MCTP1: variants seen among roughly 807,000 people sequenced by gnomAD.
MCTP1 encodes multiple C2 and transmembrane domain-containing protein 1.
MCTP1 carries 69 observed loss-of-function variants against 120.6 expected under a neutral mutation model. That is an observed-to-expected ratio of 0.57 (90% CI 0.47 to 0.70). The LOEUF is 0.70. Ranked by LOEUF, MCTP1 falls within the 30% of genes least tolerant of loss-of-function variation. MCTP1 has a pLI of 0.00. For synonymous variants in MCTP1, 529 were observed against 493.1 expected, an observed-to-expected ratio of 1.07 and a Z score of -0.96; for missense variants, 1,203 against 1,248.8, an observed-to-expected ratio of 0.96 and a Z score of 0.55.
At position 94,951,411 on chromosome 5, in the gene MCTP1, C is replaced by A. The variant is rs867180774; in HGVS notation, c.981+1808G>T. 7.6e-4 allele frequency among the ~76,000 whole-genome samples: 116 copies of A among 152,300 alleles called. No homozygotes were observed. The Middle Eastern group carries it at 0.01, about 13-fold the overall frequency. On this transcript the variant is annotated intron_variant, in intron 3 of 22. Transcript: ENST00000515393. The stretch of plus-strand genomic sequence containing the variant: ...ATATGTAACCCTTTCAAAGACAGGA[C>A]AGTCACATGGTTCTTTCATGGAGTA...
At chr5:94,787,610 CTGTTTTTTTT>C (rs369529968) in intron 18 of MCTP1, among the ~76,000 whole-genome samples, 14 of 150,580 alleles carry the variant, frequency 9.3e-5, no homozygotes, top group African/African-American at 3.2e-4. Context: ...TAAGCACTTA[CTGTTTTTTTT>C]TGTTTTTTTT....
At chr5:95,056,801 C>T (rs1157519121) in intron 1 of MCTP1, among the ~76,000 whole-genome samples, 30 of 152,058 alleles carry the variant, frequency 2.0e-4, no homozygotes, top group Admixed American at 1.9e-3. Context: ...GTACCACTTT[C>T]TAAATTCCCC....
At chr5:95,247,881 T>C (rs1165294793) in intron 1 of MCTP1, among the ~76,000 whole-genome samples, 1 of 152,128 alleles carries the variant, frequency 6.6e-6, no homozygotes, top group Non-Finnish European at 1.5e-5. Flanking sequence ...ATTTGGGGTA[T>C]AGAGTTCTGT....
At chr5:95,242,007 T>C (rs1756219370) in intron 1 of MCTP1, among the ~76,000 whole-genome samples, 1 of 152,172 alleles carries the variant, frequency 6.6e-6, no homozygotes, top group African/African-American at 2.4e-5. Flanking sequence ...AACACCTTTA[T>C]GAATCAAAAC....
intron 1 of MCTP1, among the ~76,000 whole-genome samples, chr5:95,097,070 GATT>G (rs1756326355): frequency 6.6e-6 from 1 of 151,840 alleles, no homozygotes; most frequent in Non-Finnish European, 1.5e-5. Context: ...TTTTTCCCCT[GATT>G]ATATCAGCAA....
chr5:95,220,865 T>C (rs1468470137), intron 1 of MCTP1, among the ~76,000 whole-genome samples: 1 of 152,234 alleles, frequency 6.6e-6, no homozygotes, highest in African/African-American at 2.4e-5. Context: ...TAAAGCATTA[T>C]TGCCATAACA....
At chr5:94,816,484 T>C (rs2153084518) in intron 17 of MCTP1, among the ~76,000 whole-genome samples, 1 of 152,256 alleles carries the variant, frequency 6.6e-6, no homozygotes, top group East Asian at 1.9e-4. Context: ...TTTTATTATT[T>C]TGAAACCTAA....
chr5:95,080,984 T>A (rs1329130642), intron 1 of MCTP1, among the ~76,000 whole-genome samples: 1 of 152,192 alleles, frequency 6.6e-6, no homozygotes, highest in Non-Finnish European at 1.5e-5. Context: ...TAAGACTACT[T>A]TTTATTTCAA....
At chr5:95,231,291 T>C (rs11750701) in intron 1 of MCTP1, among the ~76,000 whole-genome samples, 2,546 of 152,184 alleles carry the variant, frequency 0.017, 25 homozygotes, top group Middle Eastern at 0.027. Flanking sequence ...AAGTAACTAA[T>C]AGCAATTTGA....
chr5:95,194,038 G>A (rs1053640950), intron 1 of MCTP1, among the ~76,000 whole-genome samples: 17 of 151,746 alleles, frequency 1.1e-4, no homozygotes, highest in African/African-American at 4.1e-4. Flanking sequence ...AAGCAAGACC[G>A]TGTCTCTACA....
At chr5:94,852,635 A>G (rs1191191129) in intron 17 of MCTP1, among the ~76,000 whole-genome samples, 2 of 151,970 alleles carry the variant, frequency 1.3e-5, no homozygotes, top group African/African-American at 4.8e-5. Flanking sequence ...ATAGCAAGGT[A>G]TTGGGAAAAT....
Position 94,946,003 on chromosome 5 carries a change from T to C in MCTP1, c.982-3576A>G, listed in dbSNP as rs532906063. On this transcript the variant is annotated intron_variant, in intron 3 of 22. Coordinates refer to ENST00000515393, the MANE Select transcript of MCTP1 (RefSeq NM_024717.7). ...CATATTTTAAAGTCTGGGAGAAGGA[T>C]CCAGAGAGGAGACTGAGAAGGAACA... is the stretch of plus-strand genomic sequence containing the variant. 1.3e-5 allele frequency among the ~76,000 whole-genome samples: 2 copies of C among 152,090 alleles called. 1 individual carries two copies.
At chr5:94,978,432 C>G (rs558593526) in intron 2 of MCTP1, among the ~76,000 whole-genome samples, 1 of 151,948 alleles carries the variant, frequency 6.6e-6, no homozygotes, top group Non-Finnish European at 1.5e-5. Flanking sequence ...TTTACAATAA[C>G]CAAGACATAG....
At chr5:94,897,456 A>G (rs1480139669) in intron 10 of MCTP1, among the ~76,000 whole-genome samples, 1 of 152,114 alleles carries the variant, frequency 6.6e-6, no homozygotes, top group Non-Finnish European at 1.5e-5. Flanking sequence ...TCCTGGGTTC[A>G]AGCAATTCTC....
Position 94,794,089 on chromosome 5 carries a change from A to T in MCTP1, c.2556+4924T>A, listed in dbSNP as rs971068497. Among the ~76,000 whole-genome samples, 5 of 152,228 alleles carry T rather than the reference A, an allele frequency of 3.3e-5. 1 individual carries two copies. Among genetic ancestry groups the T allele is most frequent in the African/African-American group, 1.2e-4 (5 of 41,460 alleles). On this transcript the variant is annotated intron_variant, in intron 18 of 22. Coordinates refer to ENST00000515393, the MANE Select transcript of MCTP1 (RefSeq NM_024717.7). ...CTCTGTCTCAATTTGTGTCACAGTC[A>T]TATCATGAGTCAGAGAATGATTTCA...
chr5:94,819,460 C>T (rs1191471226), intron 17 of MCTP1, among the ~76,000 whole-genome samples: 1 of 152,096 alleles, frequency 6.6e-6, no homozygotes, highest in African/African-American at 2.4e-5. Flanking sequence ...CTCCTTGTCT[C>T]TGATTGGCTT....
intron 1 of MCTP1, among the ~76,000 whole-genome samples, chr5:95,032,913 T>C (rs1840568426): frequency 6.6e-6 from 1 of 151,856 alleles, no homozygotes; most frequent in Non-Finnish European, 1.5e-5. Flanking sequence ...ACATTACAAC[T>C]GAAACTACAA....
chr5:94,982,229 A>G, intron 2 of MCTP1, among the ~76,000 whole-genome samples: 1 of 152,198 alleles, frequency 6.6e-6, no homozygotes, highest in East Asian at 1.9e-4. Flanking sequence ...TTTAGATTTT[A>G]AGTTATATAC....
chr5:94,894,825 C>G lies in MCTP1; in HGVS notation c.1663G>C (p.Asp555His). ...RDDFIGRCQV[D>H]LSALSREQTH... ...TGTTCCCTACTGAGGGCTGACAGGT[C>G]GACCTGGCACCTAGAGACAAATGTT... The change falls in exon 11 of 23, where the codon GAC (aspartate) becomes CAC (histidine). Residue 555 changes from aspartate (D) to histidine (H), a missense_variant. Physicochemically the swap from Asp to His is moderately conservative, Grantham distance 81 (BLOSUM62 -1). Transcript: ENST00000515393. The G allele has an allele frequency of 6.4e-7, 1 of 1,567,416 alleles. No homozygotes were observed. Among genetic ancestry groups the G allele is most frequent in the Non-Finnish European group, 8.7e-7 (1 of 1,150,224 alleles).
Sources: gnomAD v4.1 joint callset for allele counts (sites outside exome capture counted in the v4.1 genomes callset) on GRCh38, gnomAD v4.1.1 for gene constraint, MANE v1.5 for transcripts, NCBI Gene and HGNC (gene_info 2026-07-23, HGNC 2026-07-21) for gene names.